Variants in DHX35 observed in about 807,000 individuals in gnomAD.
DHX35 encodes the protein probable ATP-dependent RNA helicase DHX35.
A neutral mutation model predicts 99.6 loss-of-function variants in DHX35; 84 were observed. The ratio of observed to expected loss-of-function variants is 0.84; its 90% CI spans 0.71 to 1.01. The LOEUF is 1.01. Ranked by LOEUF, DHX35 falls within the 50% of genes least tolerant of loss-of-function variation. The pLI, the probability that DHX35 is intolerant of heterozygous loss-of-function variation, is 0.00. For missense variants in DHX35, 852 were observed against 888.5 expected, an observed-to-expected ratio of 0.96 and a Z score of 0.52; for synonymous variants, 331 against 316.2, an observed-to-expected ratio of 1.05 and a Z score of -0.50.
intron 17 of DHX35, 87 bp downstream of exon 17, chr20:39,023,854 G>T: frequency 1.8e-6 from 2 of 1,108,760 alleles, no homozygotes; most frequent in Non-Finnish European, 2.7e-6. Context: ...AGTTCAGTTC[G>T]TAAAGGAATG....
chr20:38,970,073 A>ATCTATCTG (rs2085970933), intron 2 of DHX35, among the ~76,000 whole-genome samples: 2 of 152,004 alleles, frequency 1.3e-5, no homozygotes, highest in African/African-American at 4.8e-5. Flanking sequence ...TGTTCTATCT[A>ATCTATCTG]TCTGTCTGTC....
At chr20:39,030,628 A>G in intron 19 of DHX35, 76 bp from the exon 20 acceptor site, 1 of 1,378,174 alleles carries the variant, frequency 7.3e-7, no homozygotes, top group Non-Finnish European at 1.0e-6. Flanking sequence ...TTTTGGTAAT[A>G]TTAAAAATAT....
intron 4 of DHX35, among the ~76,000 whole-genome samples, chr20:38,987,002 A>G (rs2086260131): frequency 6.6e-6 from 1 of 152,206 alleles, no homozygotes; most frequent in Admixed American, 6.5e-5. Context: ...GCTGGGGTGG[A>G]AAGGCTGGAG....
At position 39,030,771 on chromosome 20, in the gene DHX35, C is replaced by G. The variant is rs149376135; in HGVS notation, c.1951C>G (p.Arg651Gly). Residue 651 changes from arginine (R) to glycine (G), a missense_variant, in exon 20 of 22, where the codon CGC becomes GGC. Transcript: ENST00000252011. Reference protein sequence around the residue: ...ASVLYAEKPPRWVIYNEVIQT... With the variant: ...ASVLYAEKPPGWVIYNEVIQT... The stretch of plus-strand genomic sequence containing the variant: ...AGTCCTCTATGCAGAGAAGCCGCCT[C>G]GCTGGTAAGCTCATCCTGCTGCTTA... The G allele has an allele frequency of 8.7e-6, 14 of 1,614,132 alleles. No homozygotes were observed. In the South Asian group the frequency reaches 1.1e-4, roughly 13 times the overall value.
intron 3 of DHX35, chr20:38,977,989 G>A: frequency 1.5e-6 from 1 of 689,050 alleles, no homozygotes; most frequent in South Asian, 1.4e-5. Flanking sequence ...ACCACCTCCA[G>A]GGGCAGATCA....
chr20:38,991,928 G>A (rs140882734), intron 6 of DHX35, among the ~76,000 whole-genome samples: 3 of 152,110 alleles, frequency 2.0e-5, no homozygotes, highest in African/African-American at 4.8e-5. Context: ...TGGTGTTCTC[G>A]AGGAGAGTGT....
At position 38,978,243 on chromosome 20, in the gene DHX35, A is replaced by T; in HGVS notation, c.268-5456A>T. 3.7e-6 allele frequency: 3 copies of T among 820,704 alleles called. No individual in the cohort carries two copies. The South Asian group carries it at 4.0e-5, about 11-fold the overall frequency. 50.8% of individuals were successfully genotyped at this position (820,704 alleles called of 1,614,324 possible). On this transcript the variant is annotated intron_variant, in intron 3 of 21. Coordinates refer to ENST00000252011, the MANE Select transcript of DHX35 (RefSeq NM_021931.4). Reference sequence around the variant, plus strand: ...CTTCGTAATTCATTGCCTCTGCTTCAACAATGTGCAATTCATCCTTTGCAC... The same window carrying T: ...CTTCGTAATTCATTGCCTCTGCTTCTACAATGTGCAATTCATCCTTTGCAC...
intron 18 of DHX35, among the ~76,000 whole-genome samples, chr20:39,026,703 A>G (rs1347259655): frequency 6.6e-6 from 1 of 152,134 alleles, no homozygotes; most frequent in Non-Finnish European, 1.5e-5. Flanking sequence ...ACTGGAGACA[A>G]GTGCTTGGAG....
At chr20:38,990,774 G>C (rs914997294) in intron 5 of DHX35, among the ~76,000 whole-genome samples, 1 of 151,956 alleles carries the variant, frequency 6.6e-6, no homozygotes, top group Non-Finnish European at 1.5e-5. Context: ...GGGTTGGGGG[G>C]GTTTCTAGAA....
At chr20:38,963,282 C>T (rs2085863073) in intron 1 of DHX35, among the ~76,000 whole-genome samples, 1 of 152,052 alleles carries the variant, frequency 6.6e-6, no homozygotes, top group Non-Finnish European at 1.5e-5. Flanking sequence ...TTTTTTCTAC[C>T]ACCTGCACCC....
chr20:38,975,748 C>T lies in DHX35; in HGVS notation c.267+3097C>T, dbSNP rs185226156. ...TGGCTTTGAGATTCTATCACATCAT[C>T]ATTGGGCCTTAGGCTGATGGTACTG... On this transcript the variant is annotated intron_variant, in intron 3 of 21. Coordinates refer to ENST00000252011, the MANE Select transcript of DHX35 (RefSeq NM_021931.4). 7.0e-4 allele frequency among the ~76,000 whole-genome samples: 107 copies of T among 152,322 alleles called. 1 individual carries two copies. The highest frequency in any genetic ancestry group is 7.9e-4 in the Non-Finnish European group (54 of 68,034).
intron 1 of DHX35, among the ~76,000 whole-genome samples, chr20:38,965,778 A>G (rs1392642778): frequency 6.6e-6 from 1 of 152,222 alleles, no homozygotes; most frequent in African/African-American, 2.4e-5. Flanking sequence ...AGGGCCTTGT[A>G]TGACCTGCCT....
At position 38,992,556 on chromosome 20, in the gene DHX35, A is replaced by T. The variant is rs1039091708; in HGVS notation, c.582+131A>T. 1.2e-5 allele frequency: 10 copies of T among 807,938 alleles called. No homozygotes were observed. In the Admixed American group the frequency reaches 1.9e-4, roughly 15 times the overall value. 50.0% of individuals were successfully genotyped at this position (807,938 alleles called of 1,614,324 possible). ...ATTAAAATCATCCATAATCCTACCCATTCAGAGAATATCAGTGGTAGAATG... is the reference window on the plus strand; with the variant it reads ...ATTAAAATCATCCATAATCCTACCCTTTCAGAGAATATCAGTGGTAGAATG... On this transcript the variant is annotated intron_variant, in intron 7 of 21. Coordinates refer to ENST00000252011, the MANE Select transcript of DHX35 (RefSeq NM_021931.4).
chr20:38,977,932 T>A, intron 3 of DHX35: 1 of 604,634 alleles, frequency 1.7e-6, no homozygotes, highest in Non-Finnish European at 3.1e-6. Context: ...AAAATCATCA[T>A]CATTAGCAGC....
At chr20:39,034,971 G>C (rs1263966671) in intron 21 of DHX35, among the ~76,000 whole-genome samples, 4 of 151,944 alleles carry the variant, frequency 2.6e-5, no homozygotes, top group Non-Finnish European at 4.4e-5. Flanking sequence ...TGTTGCCCAG[G>C]CTAGTCTCGA....
rs868620172 is a variant in DHX35, at chr20:39,039,399, G to C, written c.*856G>C. 4 of 152,570 alleles carry C rather than the reference G, an allele frequency of 2.6e-5. No individual in the cohort carries two copies. The highest frequency in any genetic ancestry group is 2.9e-5 in the Non-Finnish European group (2 of 68,044). The allele number at this position is 152,570 out of a possible 1,614,324, so 9.5% of individuals were successfully genotyped here. A position where few individuals can be genotyped will look rare whatever the true frequency, so the allele number is the denominator to read the frequency against. On this transcript the variant is annotated 3_prime_UTR_variant, in exon 22 of 22. Coordinates refer to ENST00000252011, the MANE Select transcript of DHX35 (RefSeq NM_021931.4). ...GGTGTATTTGTTTTTTTGTTTGTTT[G>C]CTTGGGTTCTTGCAAGAGCGCGTGG...
At chr20:39,012,433 A>G (rs2083455744) in intron 13 of DHX35, among the ~76,000 whole-genome samples, 1 of 152,222 alleles carries the variant, frequency 6.6e-6, no homozygotes, top group African/African-American at 2.4e-5. Flanking sequence ...GGAAAAAAAC[A>G]GCACAAATTC....
chr20:39,037,707 CTG>C (rs1281441756), intron 21 of DHX35, among the ~76,000 whole-genome samples: 2 of 152,150 alleles, frequency 1.3e-5, no homozygotes, highest in East Asian at 3.9e-4. Flanking sequence ...TAGTAATGGG[CTG>C]TCGGGTATAT....
chr20:38,964,704 C>T (rs2085885656), intron 1 of DHX35, among the ~76,000 whole-genome samples: 1 of 152,170 alleles, frequency 6.6e-6, no homozygotes, highest in South Asian at 2.1e-4. Flanking sequence ...GTTGGGATTA[C>T]AGGCGTGAGC....
Sources: allele counts gnomAD v4.1 joint callset (sites outside exome capture counted in the v4.1 genomes callset), GRCh38; gene constraint gnomAD v4.1.1; transcripts MANE v1.5; gene names NCBI Gene and HGNC (gene_info 2026-07-23, HGNC 2026-07-21).